The following CDYL variants were observed in gnomAD, a reference collection of about 807,000 sequenced individuals.
The protein encoded by CDYL is chromodomain Y-like protein.
CDYL carries 8 observed loss-of-function variants against 47.3 expected under a neutral mutation model. The ratio of observed to expected loss-of-function variants is 0.17; its 90% CI spans 0.10 to 0.31. CDYL has a LOEUF of 0.31. Among genes scored for constraint, CDYL ranks in the 10% least tolerant of loss-of-function variants. The probability of loss-of-function intolerance (pLI) is 1.00; values close to 1 mark genes in which losing one functional copy is unlikely to be tolerated. For synonymous variants in CDYL, 266 were observed against 265.0 expected (o/e 1.00, Z -0.04); for missense variants, 471 against 701.4 (o/e 0.67, Z 3.71).
chr6:4,925,166 C>T (rs1020734655), intron 2 of CDYL, among the ~76,000 whole-genome samples: 2 of 152,168 alleles, frequency 1.3e-5, no homozygotes, highest in African/African-American at 4.8e-5. Context: ...TGCGGTTGTG[C>T]ATTCACTGAC....
intron 3 of CDYL, among the ~76,000 whole-genome samples, chr6:4,768,802 C>T (rs1375468474): frequency 1.3e-5 from 2 of 152,148 alleles, no homozygotes; most frequent in Non-Finnish European, 2.9e-5. Context: ...CTGACAAGCA[C>T]TGTATTTGCT....
intron 2 of CDYL, among the ~76,000 whole-genome samples, chr6:4,922,682 G>A (rs1757751764): frequency 1.3e-5 from 2 of 152,188 alleles, no homozygotes; most frequent in Admixed American, 1.3e-4. Context: ...TAATTACCTG[G>A]ACTTGAACAG....
At chr6:4,728,964 TCCCAAGCCCAGTCCCAGCACATG>T (rs1202742833) in intron 2 of CDYL, among the ~76,000 whole-genome samples, 2 of 152,120 alleles carry the variant, frequency 1.3e-5, no homozygotes, top group Non-Finnish European at 2.9e-5. Flanking sequence ...GGGTTCTACT[TCCCAAGCCCAGTCCCAGCACATG>T]CCTTCCCAAA....
intron 1 of CDYL, among the ~76,000 whole-genome samples, chr6:4,803,695 G>C (rs572975924): frequency 6.6e-6 from 1 of 150,990 alleles, no homozygotes. Context: ...ACGTGGCCTC[G>C]GGATATCTCC....
At chr6:4,921,095 T>C (rs1347204140) in intron 2 of CDYL, among the ~76,000 whole-genome samples, 1 of 152,164 alleles carries the variant, frequency 6.6e-6, no homozygotes, top group East Asian at 1.9e-4. Flanking sequence ...TCAATCCAGC[T>C]GTAGGCATGG....
rs78556842 is a variant in CDYL at position 4,837,172 on chromosome 6, A to G, written c.25-54541A>G. ...ACATGTTCAGGGATATGAATTGGCA[A>G]TTTGTTTTATTTTACTAATTTGCTT... is the stretch of plus-strand genomic sequence containing the variant. On this transcript the variant is annotated intron_variant, in intron 1 of 6. Transcript: ENST00000397588. Among the ~76,000 whole-genome samples the G allele has an allele frequency of 1.6e-4, 25 of 152,312 alleles. No homozygotes were observed. The East Asian group carries it at 2.9e-3, about 18-fold the overall frequency.
intron 1 of CDYL, among the ~76,000 whole-genome samples, chr6:4,864,044 G>A (rs948426176): frequency 5.3e-5 from 8 of 152,190 alleles, no homozygotes; most frequent in African/African-American, 1.2e-4. Context: ...AAGAGAGATC[G>A]CCTGAGGGTC....
At chr6:4,730,270 G>C (rs554952135) in intron 2 of CDYL, among the ~76,000 whole-genome samples, 1 of 152,264 alleles carries the variant, frequency 6.6e-6, no homozygotes, top group Admixed American at 6.5e-5. Flanking sequence ...GAGGCAAAGC[G>C]TAACGGTTCC....
chr6:4,797,509 C>G (rs1238924526), intron 1 of CDYL, among the ~76,000 whole-genome samples: 10 of 148,526 alleles, frequency 6.7e-5, no homozygotes, highest in Admixed American at 6.1e-4. Flanking sequence ...TTAGTGTATT[C>G]ACAAAGTTGT....
intron 5 of CDYL, among the ~76,000 whole-genome samples, chr6:4,946,855 A>G (rs908542776): frequency 6.6e-6 from 1 of 152,028 alleles, no homozygotes; most frequent in African/African-American, 2.4e-5. Flanking sequence ...CACAGGCTCC[A>G]TATGCATCTT....
intron 2 of CDYL, chr6:4,928,606 CAGGGTTA>C (rs1294264136): frequency 6.6e-6 from 1 of 151,792 alleles, no homozygotes; most frequent in Non-Finnish European, 1.5e-5. Flanking sequence ...TGTGTCTAGT[CAGGGTTA>C]AGTTATCTTT....
chr6:4,846,504 A>G (rs1044002284), intron 1 of CDYL, among the ~76,000 whole-genome samples: 1 of 152,172 alleles, frequency 6.6e-6, no homozygotes, highest in Non-Finnish European at 1.5e-5. Context: ...ATTGCTTCCC[A>G]TGTGATGCCA....
At chr6:4,728,233 C>T (rs1757548177) in intron 2 of CDYL, among the ~76,000 whole-genome samples, 1 of 152,216 alleles carries the variant, frequency 6.6e-6, no homozygotes, top group South Asian at 2.1e-4. Flanking sequence ...GATGATTAGC[C>T]GTAGGCTGAT....
At chr6:4,800,979 C>T (rs1581175043) in intron 1 of CDYL, among the ~76,000 whole-genome samples, 1 of 152,342 alleles carries the variant, frequency 6.6e-6, no homozygotes, top group East Asian at 1.9e-4. Context: ...GTTGTGTCTT[C>T]AGATGTCTTT....
intron 3 of CDYL, among the ~76,000 whole-genome samples, chr6:4,736,230 A>G (rs186791643): frequency 6.6e-6 from 1 of 152,322 alleles, no homozygotes; most frequent in East Asian, 1.9e-4. Context: ...TCTAACAGTG[A>G]TTTCTAACTA....
At chr6:4,885,011 T>C (rs1011434405) in intron 1 of CDYL, among the ~76,000 whole-genome samples, 1 of 152,196 alleles carries the variant, frequency 6.6e-6, no homozygotes, top group Admixed American at 6.5e-5. Flanking sequence ...TTTTTTTCTT[T>C]GAGGCAGGGT....
chr6:4,748,592 C>T (rs959723181), intron 3 of CDYL, among the ~76,000 whole-genome samples: 3 of 149,508 alleles, frequency 2.0e-5, no homozygotes, highest in Admixed American at 1.3e-4. Context: ...GGGGTAGGAG[C>T]GTGGGAGGTA....
intron 1 of CDYL, among the ~76,000 whole-genome samples, chr6:4,829,677 A>C (rs1303712137): frequency 6.6e-6 from 1 of 152,054 alleles, no homozygotes; most frequent in Non-Finnish European, 1.5e-5. Context: ...CATTTAGCCT[A>C]GGTGTTTGTG....
Position 4,723,593 on chromosome 6 carries a change from C to A in CDYL, c.103+7712C>A, listed in dbSNP as rs184533517. 4.1e-3 allele frequency among the ~76,000 whole-genome samples: 625 copies of A among 152,248 alleles called. 7 individuals are homozygous for A. The highest frequency in any genetic ancestry group is 0.014 in the African/African-American group (580 of 41,534). ...CTCACCACGACCCAGCAGGAGGCGGCAAGCCCTCCCCTCCTCCACCCTACA... is the reference window on the plus strand; with the variant it reads ...CTCACCACGACCCAGCAGGAGGCGGAAAGCCCTCCCCTCCTCCACCCTACA... On this transcript the variant is annotated intron_variant, in intron 2 of 8. Coordinates refer to the CDYL transcript ENST00000328908.
Sources: allele counts gnomAD v4.1 joint callset (sites outside exome capture counted in the v4.1 genomes callset), GRCh38; gene constraint gnomAD v4.1.1; transcripts MANE v1.5; gene names NCBI Gene and HGNC (gene_info 2026-07-23, HGNC 2026-07-21).